Variants in SH3PXD2A observed in about 807,000 individuals in gnomAD.
SH3PXD2A encodes the protein SH3 and PX domains 2A, also known as SH3 and PX domain-containing protein 2A.
SH3PXD2A carries 32 observed loss-of-function variants against 115.2 expected under a neutral mutation model. That is an observed-to-expected ratio of 0.28 (90% confidence interval 0.21 to 0.37). The LOEUF (loss-of-function observed/expected upper bound fraction) is 0.37, where lower values mean the gene tolerates loss of function less well. SH3PXD2A is among the 10% of genes least tolerant of loss of function. The pLI, the probability that SH3PXD2A is intolerant of heterozygous loss-of-function variation, is 1.00. For missense variants in SH3PXD2A, 1,328 were observed against 1,498.7 expected, an observed-to-expected ratio of 0.89 and a Z score of 1.88; for synonymous variants, 610 against 629.1, an observed-to-expected ratio of 0.97 and a Z score of 0.45.
chr10:103,727,799 C>A (rs543481883), intron 4 of SH3PXD2A, among the ~76,000 whole-genome samples: 1 of 152,352 alleles, frequency 6.6e-6, no homozygotes, highest in East Asian at 1.9e-4. Flanking sequence ...CTGAGGGGAG[C>A]CGCGTGGAGG....
intron 2 of SH3PXD2A, among the ~76,000 whole-genome samples, chr10:103,777,062 G>A (rs1475022676): frequency 3.3e-5 from 5 of 152,214 alleles, no homozygotes; most frequent in Non-Finnish European, 5.9e-5. Context: ...AAAATAAATC[G>A]TGAATAGCTA....
At chr10:103,686,174 G>A (rs1218067923) in intron 6 of SH3PXD2A, among the ~76,000 whole-genome samples, 1 of 152,212 alleles carries the variant, frequency 6.6e-6, no homozygotes, top group Non-Finnish European at 1.5e-5. Flanking sequence ...AGGATTTCAT[G>A]AGGAACATCA....
intron 1 of SH3PXD2A, among the ~76,000 whole-genome samples, chr10:103,835,717 G>C (rs989958671): frequency 2.2e-4 from 33 of 152,132 alleles, no homozygotes; most frequent in African/African-American, 7.5e-4. Flanking sequence ...CTCCCGTGCA[G>C]CTCTACCCTC....
rs766343336 is a variant in SH3PXD2A at position 103,602,844 on chromosome 10, G to T, written c.2374C>A (p.Leu792Ile). 6.2e-7 allele frequency: 1 copy of T among 1,614,046 alleles called. No homozygotes were observed. The highest frequency in any genetic ancestry group is 1.7e-5 in the Admixed American group (1 of 60,016). Reference protein sequence around the residue: ...LRPTGQLRGGLKGSKSEDSEL... With the variant: ...LRPTGQLRGGIKGSKSEDSEL... ...GAATCCTCACTCTTGGAGCCCTTGA[G>T]CCCTCCACGGAGCTGGCCTGTGGGT... Residue 792 changes from leucine (L) to isoleucine (I), a missense_variant, in exon 15 of 15, where the codon CTC (leucine) becomes ATC (isoleucine). By Grantham distance (5) the Leu-to-Ile change is conservative. Transcript: ENST00000369774.
rs540662799 is a variant in SH3PXD2A at position 103,610,073 on chromosome 10, C to A, written c.1308+1508G>T. ...TCAGCACTCCTTCTGAACTTCTCTT[C>A]TTCCCAGCCTTCCTCATCCTTCAAG... On this transcript the variant is annotated intron_variant, in intron 13 of 14. Coordinates refer to ENST00000369774, the MANE Select transcript of SH3PXD2A (RefSeq NM_001394015.1). 4.6e-5 allele frequency: 7 copies of A among 152,458 alleles called. No homozygotes were observed. The South Asian group carries it at 1.2e-3, about 27-fold the overall frequency. The allele number at this position is 152,458 out of a possible 1,614,324, so 9.4% of individuals were successfully genotyped here. A position where few individuals can be genotyped will look rare whatever the true frequency, so the allele number is the denominator to read the frequency against.
At chr10:103,834,240 G>A (rs1014560717) in intron 1 of SH3PXD2A, among the ~76,000 whole-genome samples, 10 of 152,168 alleles carry the variant, frequency 6.6e-5, no homozygotes, top group Admixed American at 1.3e-4. Flanking sequence ...AGGACCCCTC[G>A]GCCACCACAT....
chr10:103,605,535 CT>C lies in SH3PXD2A; in HGVS notation c.1428+262del, dbSNP rs141226703. The stretch of plus-strand genomic sequence containing the variant: ...AGAAGCCCTTTGTTTCAAGGCCCCC[CT>C]GTCACAAGCTCCTGCACATGCTCTG... On this transcript the variant is annotated intron_variant, in intron 14 of 14. Transcript: ENST00000369774. 6.6e-5 allele frequency among the ~76,000 whole-genome samples: 10 copies of C among 152,308 alleles called. No homozygotes were observed. The East Asian group carries it at 9.6e-4, about 15-fold the overall frequency.
chr10:103,621,213 C>T (rs1488707454), intron 10 of SH3PXD2A, among the ~76,000 whole-genome samples: 1 of 152,148 alleles, frequency 6.6e-6, no homozygotes, highest in Non-Finnish European at 1.5e-5. Flanking sequence ...TGGAGCCAAA[C>T]CTTCATCCGT....
chr10:103,602,356 G>C lies in SH3PXD2A; in HGVS notation c.2862C>G (p.Pro954=). The C allele has an allele frequency of 6.8e-6, 11 of 1,613,658 alleles. No individual in the cohort carries two copies. The highest frequency in any genetic ancestry group is 1.3e-5 in the African/African-American group (1 of 75,042). ...TGCCTGAGGTCTTGCCGAAGCCCCC[G>C]GGAGGTTTGGAGGGGATGGGGGGCG... ...KATPPIPSKP[P]GGFGKTSGTP... The change falls in exon 15 of 15, where the codon CCC becomes CCG. Residue 954 remains proline (P), a synonymous_variant. Transcript: ENST00000369774.
chr10:103,605,867 G>A lies in SH3PXD2A; in HGVS notation c.1359C>T (p.Tyr453=). The A allele has an allele frequency of 6.2e-7, 1 of 1,613,404 alleles. No homozygotes were observed. The highest frequency in any genetic ancestry group is 8.5e-7 in the Non-Finnish European group (1 of 1,179,304). Residue 453 remains tyrosine, a synonymous_variant, in exon 14 of 15, where the codon TAC becomes TAT. Transcript: ENST00000369774. ...PPEPPSVEVE[Y]YTIAEFQSCI... The stretch of plus-strand genomic sequence containing the variant: ...ACGACTGGAATTCGGCAATGGTGTA[G>A]TACTCCACCTCAACAGAAGGGGGCT...
intron 2 of SH3PXD2A, among the ~76,000 whole-genome samples, chr10:103,779,171 C>T (rs1023061984): frequency 7.9e-5 from 12 of 152,316 alleles, no homozygotes; most frequent in African/African-American, 2.6e-4. Flanking sequence ...CAGGTTCAAG[C>T]GATTCTCCTG....
rs2036110727 is a variant in SH3PXD2A at position 103,594,787 on chromosome 10, T to G, written c.*7029A>C. ...GTAGGGTATATCCATGGATGAATGTTCATCACACCCAGTCTAATTCATACC... is the reference window on the plus strand; with the variant it reads ...GTAGGGTATATCCATGGATGAATGTGCATCACACCCAGTCTAATTCATACC... On this transcript the variant is annotated 3_prime_UTR_variant, in exon 15 of 15. Coordinates refer to ENST00000369774, the MANE Select transcript of SH3PXD2A (RefSeq NM_001394015.1). 1 of 152,296 alleles carries G rather than the reference T, an allele frequency of 6.6e-6. No individual in the cohort carries two copies. The highest frequency in any genetic ancestry group is 1.5e-5 in the Non-Finnish European group (1 of 68,026). 9.4% of individuals were successfully genotyped at this position (152,296 alleles called of 1,614,324 possible).
chr10:103,760,200 C>T (rs976651183), intron 3 of SH3PXD2A, among the ~76,000 whole-genome samples: 1 of 152,186 alleles, frequency 6.6e-6, no homozygotes, highest in Admixed American at 6.5e-5. Context: ...ACTGCATATG[C>T]AGGCATTCAT....
At chr10:103,775,333 T>C (rs2038867550) in intron 2 of SH3PXD2A, among the ~76,000 whole-genome samples, 1 of 152,192 alleles carries the variant, frequency 6.6e-6, no homozygotes, top group Non-Finnish European at 1.5e-5. Context: ...TGGTCTGTGA[T>C]CCGAGTGGGA....
chr10:103,827,746 T>C (rs920193622), intron 1 of SH3PXD2A, among the ~76,000 whole-genome samples: 1 of 152,180 alleles, frequency 6.6e-6, no homozygotes, highest in Non-Finnish European at 1.5e-5. Flanking sequence ...CTATGAGCTT[T>C]TGAAGGAGGG....
chr10:103,633,033 T>C (rs1185482595), intron 8 of SH3PXD2A, among the ~76,000 whole-genome samples: 2 of 151,860 alleles, frequency 1.3e-5, no homozygotes, highest in Non-Finnish European at 1.5e-5. Flanking sequence ...AAACAGAGTC[T>C]GACACAGGAA....
chr10:103,780,612 C>T (rs560281496), intron 2 of SH3PXD2A, among the ~76,000 whole-genome samples: 146 of 152,326 alleles, frequency 9.6e-4, no homozygotes, highest in Non-Finnish European at 1.6e-3. Context: ...ACCATCCAGG[C>T]CCTGTGTTGC....
chr10:103,740,516 CCAGA>C (rs945297166), intron 3 of SH3PXD2A, among the ~76,000 whole-genome samples: 3 of 152,270 alleles, frequency 2.0e-5, no homozygotes, highest in Admixed American at 6.5e-5. Context: ...AGTAGAATCA[CCAGA>C]CACAGTACCA....
intron 5 of SH3PXD2A, among the ~76,000 whole-genome samples, chr10:103,702,883 C>T (rs1037353253): frequency 3.9e-5 from 6 of 152,014 alleles, no homozygotes; most frequent in African/African-American, 1.4e-4. Context: ...ACTGCTTTGC[C>T]CCTCAAGCTA....
Sources: allele counts gnomAD v4.1 joint callset (sites outside exome capture counted in the v4.1 genomes callset), GRCh38; gene constraint gnomAD v4.1.1; transcripts MANE v1.5; gene names NCBI Gene and HGNC (gene_info 2026-07-23, HGNC 2026-07-21).